C12orf42: variants seen among roughly 807,000 people sequenced by gnomAD.
C12orf42 encodes chromosome 12 open reading frame 42, also known as uncharacterized protein C12orf42.
A neutral mutation model predicts 21.6 loss-of-function variants in C12orf42; 25 were observed. The observed-to-expected ratio is 1.16, with a 90% confidence interval of 0.84 to 1.62. The LOEUF (loss-of-function observed/expected upper bound fraction) is 1.62. Ranked by LOEUF, C12orf42 falls within the 40% of genes most tolerant of loss-of-function variation. C12orf42 has a pLI of 0.00. For missense variants in C12orf42, 483 were observed against 459.3 expected (o/e 1.05, Z -0.47); for synonymous variants, 174 against 175.0 (o/e 0.99, Z 0.05).
chr12:103,341,112 C>CAAAAAAAAAA (rs34154888), intron 4 of C12orf42, among the ~76,000 whole-genome samples: 3 of 47,688 alleles, frequency 6.3e-5, no homozygotes, highest in African/African-American at 2.4e-4. Flanking sequence ...GACTCTGTCT[C>CAAAAAAAAAA]AAAAAAAAAA....
At chr12:103,242,806 T>C (rs2033814006) in intron 10 of C12orf42, among the ~76,000 whole-genome samples, 1 of 152,162 alleles carries the variant, frequency 6.6e-6, no homozygotes, top group South Asian at 2.1e-4. Flanking sequence ...AACATATTTT[T>C]AGTAATTCAC....
chr12:103,294,413 G>GAAAGAAAGAAAGAA (rs1166795101), intron 4 of C12orf42, among the ~76,000 whole-genome samples: 1 of 125,056 alleles, frequency 8.0e-6, no homozygotes, highest in East Asian at 2.3e-4. Context: ...AAGAAAGAAA[G>GAAAGAAAGAAAGAA]AGAGAAAGGA....
the C12orf42 span, among the ~76,000 whole-genome samples, chr12:103,070,519 C>A: frequency 1.1e-5 from 1 of 90,910 alleles, no homozygotes; most frequent in Non-Finnish European, 2.3e-5. Context: ...TACACATACA[C>A]ACACACACAC....
At chr12:103,356,332 T>C (rs1285690534) in intron 4 of C12orf42, among the ~76,000 whole-genome samples, 2 of 152,132 alleles carry the variant, frequency 1.3e-5, no homozygotes, top group East Asian at 3.9e-4. Context: ...CTAGAATGTC[T>C]GTATCTATTC....
the C12orf42 span, among the ~76,000 whole-genome samples, chr12:103,542,068 C>T: frequency 6.6e-6 from 1 of 152,170 alleles, no homozygotes; most frequent in African/African-American, 2.4e-5. Flanking sequence ...GACAGGCCTA[C>T]ATCAGATATG....
chr12:103,051,449 C>G, the C12orf42 span, among the ~76,000 whole-genome samples: 1 of 152,134 alleles, frequency 6.6e-6, no homozygotes, highest in Non-Finnish European at 1.5e-5. Context: ...GTAATGACAA[C>G]CATCATGGTA....
At chr12:103,288,666 G>T (rs778450530) in intron 4 of C12orf42, among the ~76,000 whole-genome samples, 8 of 152,064 alleles carry the variant, frequency 5.3e-5, no homozygotes, top group Non-Finnish European at 1.0e-4. Context: ...TGTTAGACGT[G>T]TAAAAGATTT....
the C12orf42 span, among the ~76,000 whole-genome samples, chr12:103,165,023 G>A: frequency 6.6e-6 from 1 of 152,218 alleles, no homozygotes; most frequent in Admixed American, 6.5e-5. Context: ...TGGATCCTGA[G>A]TGGCTAACTG....
the C12orf42 span, among the ~76,000 whole-genome samples, chr12:103,052,615 CT>C: frequency 4.1e-3 from 627 of 151,994 alleles, 5 homozygotes; most frequent in Middle Eastern, 6.8e-3. Flanking sequence ...TTACGTGTGA[CT>C]TTTTTCACTT....
At chr12:103,441,237 A>AG (rs1951221415) in intron 2 of C12orf42, among the ~76,000 whole-genome samples, 1 of 152,168 alleles carries the variant, frequency 6.6e-6, no homozygotes, top group African/African-American at 2.4e-5. Context: ...TGGACAGAGA[A>AG]GGGGGAGGAA....
chr12:103,367,342 T>C (rs897102552), intron 4 of C12orf42, among the ~76,000 whole-genome samples: 4 of 151,578 alleles, frequency 2.6e-5, no homozygotes, highest in South Asian at 2.1e-4. Flanking sequence ...TTGGGTTCAG[T>C]GTATAATACT....
chr12:103,158,979 G>T, the C12orf42 span, among the ~76,000 whole-genome samples: 3 of 149,482 alleles, frequency 2.0e-5, no homozygotes, highest in Admixed American at 2.0e-4. Flanking sequence ...GGTGGTAGAA[G>T]GTACAGTTTT....
At chr12:103,215,559 A>G in the C12orf42 span, among the ~76,000 whole-genome samples, 2 of 140,112 alleles carry the variant, frequency 1.4e-5, no homozygotes, top group Non-Finnish European at 3.2e-5. Context: ...TTCTCTTTTC[A>G]TCTCTCTTTG....
chr12:103,369,478 A>G lies in C12orf42; in HGVS notation c.148-480T>C, dbSNP rs188174744. Among the ~76,000 whole-genome samples the G allele has an allele frequency of 3.3e-3, 497 of 152,074 alleles. 3 individuals carry two copies. Among genetic ancestry groups the G allele is most frequent in the African/African-American group, 0.011 (472 of 41,518 alleles). ...CATACAGGGTGACATGAAAACAAAG[A>G]TTCACAGGCTCAGATGGAGTAGCCA... On this transcript the variant is annotated intron_variant, in intron 3 of 5. Coordinates refer to ENST00000548883, the MANE Select transcript of C12orf42 (RefSeq NM_198521.5).
chr12:103,203,161 A>C, the C12orf42 span, among the ~76,000 whole-genome samples: 5 of 152,116 alleles, frequency 3.3e-5, no homozygotes, highest in Non-Finnish European at 7.4e-5. Context: ...CCCATTTGTC[A>C]AGATGTGGTT....
At chr12:103,424,915 G>A (rs940517654) in intron 2 of C12orf42, among the ~76,000 whole-genome samples, 3 of 152,190 alleles carry the variant, frequency 2.0e-5, no homozygotes, top group African/African-American at 7.2e-5. Flanking sequence ...CCCATGGAAA[G>A]CAGCAAGCTA....
downstream of C12orf42, among the ~76,000 whole-genome samples, chr12:103,267,376 A>G (rs1288309150): frequency 6.6e-6 from 1 of 152,106 alleles, no homozygotes; most frequent in African/African-American, 2.4e-5. Context: ...AGTAATACCC[A>G]GTAATCTAGG....
At chr12:103,359,042 G>T (rs555851867) in intron 4 of C12orf42, among the ~76,000 whole-genome samples, 5 of 152,022 alleles carry the variant, frequency 3.3e-5, no homozygotes, top group African/African-American at 1.2e-4. Context: ...TGGCCACACT[G>T]GTCTCTTTTC....
chr12:103,399,913 T>C (rs1193047120), intron 3 of C12orf42, among the ~76,000 whole-genome samples: 1 of 152,136 alleles, frequency 6.6e-6, no homozygotes, highest in Non-Finnish European at 1.5e-5. Flanking sequence ...GATATATGTT[T>C]CATATACATG....
Sources: gnomAD v4.1 joint callset for allele counts (sites outside exome capture counted in the v4.1 genomes callset) on GRCh38, gnomAD v4.1.1 for gene constraint, MANE v1.5 for transcripts, NCBI Gene and HGNC (gene_info 2026-07-23, HGNC 2026-07-21) for gene names.